PTPRD: variants seen among roughly 807,000 people sequenced by gnomAD.
PTPRD encodes protein tyrosine phosphatase receptor type D.
A neutral mutation model predicts 214.5 loss-of-function variants in PTPRD; 34 were observed. That is an observed-to-expected ratio of 0.16 (90% confidence interval 0.12 to 0.21). The LOEUF is 0.21. Ranked by LOEUF, PTPRD falls within the 10% of genes least tolerant of loss-of-function variation. PTPRD has a pLI of 1.00. For missense variants in PTPRD, 2,545 were observed against 2,398.7 expected (o/e 1.06, Z -1.27); for synonymous variants, 1,128 against 845.7 (o/e 1.33, Z -5.79).
intron 11 of PTPRD, among the ~76,000 whole-genome samples, chr9:8,858,596 G>A (rs1039576976): frequency 6.6e-6 from 1 of 152,154 alleles, no homozygotes; most frequent in African/African-American, 2.4e-5. Flanking sequence ...GGGATCCCAC[G>A]GAATTGCTGT....
intron 34 of PTPRD, among the ~76,000 whole-genome samples, chr9:8,449,002 T>C (rs1437391468): frequency 6.6e-6 from 1 of 152,222 alleles, no homozygotes; most frequent in African/African-American, 2.4e-5. Context: ...TGCCATTCAT[T>C]TGGTATAAAC....
chr9:9,481,675 A>G (rs1414041162), intron 8 of PTPRD, among the ~76,000 whole-genome samples: 1 of 152,130 alleles, frequency 6.6e-6, no homozygotes, highest in Admixed American at 6.6e-5. Flanking sequence ...AAAGAGGTCC[A>G]TGAAGGCGAA....
At chr9:10,002,595 G>T (rs183301274) in intron 4 of PTPRD, among the ~76,000 whole-genome samples, 1 of 149,616 alleles carries the variant, frequency 6.7e-6, no homozygotes, top group Admixed American at 6.6e-5. Flanking sequence ...CACAAAAGAA[G>T]AATATTTTGT....
At chr9:8,653,448 C>T (rs891766122) in intron 12 of PTPRD, among the ~76,000 whole-genome samples, 2 of 152,130 alleles carry the variant, frequency 1.3e-5, no homozygotes, top group East Asian at 1.9e-4. Context: ...TCCTTCACTA[C>T]CCATCCCATG....
intron 11 of PTPRD, among the ~76,000 whole-genome samples, chr9:8,821,798 G>A (rs2154526881): frequency 6.6e-6 from 1 of 152,248 alleles, no homozygotes; most frequent in Admixed American, 6.5e-5. Context: ...CCGAGTAGCT[G>A]GGATTACAGG....
intron 11 of PTPRD, among the ~76,000 whole-genome samples, chr9:8,876,481 G>A (rs1309368251): frequency 6.6e-6 from 1 of 152,134 alleles, no homozygotes. Context: ...AACCTCCTTT[G>A]TAATGCTCAT....
chr9:10,375,996 TATA>T (rs1294535216), intron 2 of PTPRD, among the ~76,000 whole-genome samples: 1 of 152,002 alleles, frequency 6.6e-6, no homozygotes, highest in Non-Finnish European at 1.5e-5. Context: ...TGCCTTTTGT[TATA>T]ATGTCATACA....
intron 10 of PTPRD, among the ~76,000 whole-genome samples, chr9:9,112,439 G>T (rs1042580605): frequency 2.6e-5 from 4 of 152,136 alleles, no homozygotes; most frequent in African/African-American, 7.2e-5. Context: ...AGCCTGCTTT[G>T]GTTATCACCA....
intron 33 of PTPRD, among the ~76,000 whole-genome samples, chr9:8,451,055 G>A (rs1038680889): frequency 9.2e-5 from 14 of 152,274 alleles, no homozygotes; most frequent in East Asian, 1.9e-4. Flanking sequence ...CACCCAGGTC[G>A]TTCTATGGTT....
At chr9:8,993,921 T>C (rs1190747585) in intron 11 of PTPRD, among the ~76,000 whole-genome samples, 1 of 152,136 alleles carries the variant, frequency 6.6e-6, no homozygotes, top group Non-Finnish European at 1.5e-5. Context: ...TCATTTGAAA[T>C]AAATGTAATA....
intron 10 of PTPRD, among the ~76,000 whole-genome samples, chr9:9,060,113 A>G (rs961719949): frequency 1.3e-5 from 2 of 152,240 alleles, no homozygotes; most frequent in South Asian, 2.1e-4. Context: ...TTGACATAGA[A>G]TAAGGGAGCT....
chr9:10,166,454 T>C (rs899540842), intron 3 of PTPRD, among the ~76,000 whole-genome samples: 1 of 151,950 alleles, frequency 6.6e-6, no homozygotes, highest in African/African-American at 2.4e-5. Flanking sequence ...AGTTCATTAA[T>C]AGTTTTATTA....
rs538110543 is a variant in PTPRD at position 10,035,330 on chromosome 9, G to A, written c.-544-1540C>T. Among the ~76,000 whole-genome samples, 136 of 151,974 alleles carry A rather than the reference G, an allele frequency of 8.9e-4. 1 individual carries two copies. The highest frequency in any genetic ancestry group is 3.3e-3 in the African/African-American group (136 of 41,430). On this transcript the variant is annotated intron_variant, in intron 3 of 45. Coordinates refer to ENST00000381196, the MANE Select transcript of PTPRD (RefSeq NM_002839.4). ...TTGTTTATGTTCCTTATACATACTG[G>A]ATATTAGACCTTTGTCATAGGAATA...
At chr9:8,561,558 G>C (rs950278391) in intron 14 of PTPRD, among the ~76,000 whole-genome samples, 1 of 152,124 alleles carries the variant, frequency 6.6e-6, no homozygotes, top group South Asian at 2.1e-4. Context: ...GAGACTCAGC[G>C]GGCTGACTGC....
chr9:10,143,862 A>G (rs1288518745), intron 3 of PTPRD, among the ~76,000 whole-genome samples: 1 of 152,080 alleles, frequency 6.6e-6, no homozygotes, highest in Non-Finnish European at 1.5e-5. Context: ...TTGAGTACAC[A>G]TGAAAGTAAA....
chr9:8,456,846 TC>T (rs950874505), intron 33 of PTPRD, among the ~76,000 whole-genome samples: 11 of 152,186 alleles, frequency 7.2e-5, no homozygotes, highest in Admixed American at 5.9e-4. Flanking sequence ...GACCACCTGA[TC>T]TACACTTTCT....
At chr9:10,019,310 C>G (rs1016726783) in intron 4 of PTPRD, among the ~76,000 whole-genome samples, 3 of 152,138 alleles carry the variant, frequency 2.0e-5, no homozygotes, top group East Asian at 3.9e-4. Context: ...GAAATAGGAA[C>G]ACTTTTACAC....
At chr9:9,901,347 G>A (rs577428303) in intron 5 of PTPRD, among the ~76,000 whole-genome samples, 8 of 152,196 alleles carry the variant, frequency 5.3e-5, no homozygotes, top group African/African-American at 1.9e-4. Context: ...CTGAAATAGT[G>A]CTTAAAACCT....
At chr9:9,461,478 A>C (rs1425467101) in intron 8 of PTPRD, among the ~76,000 whole-genome samples, 1 of 152,108 alleles carries the variant, frequency 6.6e-6, no homozygotes, top group East Asian at 1.9e-4. Context: ...AGAGTAGATA[A>C]AGAAATGAGA....
Sources: allele counts gnomAD v4.1 joint callset (sites outside exome capture counted in the v4.1 genomes callset), GRCh38; gene constraint gnomAD v4.1.1; transcripts MANE v1.5; gene names NCBI Gene and HGNC (gene_info 2026-07-23, HGNC 2026-07-21).